The following EDEM3 variants were observed in gnomAD, a reference collection of about 807,000 sequenced individuals.
EDEM3 encodes the protein ER degradation enhancing alpha-mannosidase like protein 3.
Under a neutral mutation model 110.2 loss-of-function variants are expected in EDEM3, and 60 were observed. The ratio of observed to expected loss-of-function variants is 0.54; its 90% CI spans 0.44 to 0.67. The LOEUF (loss-of-function observed/expected upper bound fraction) is 0.67. EDEM3 is among the 30% of genes least tolerant of loss of function. EDEM3 has a pLI of 0.00. For missense variants in EDEM3, 996 were observed against 1,121.0 expected (o/e 0.89, Z 1.59); for synonymous variants, 352 against 382.9 (o/e 0.92, Z 0.94).
intron 15 of EDEM3, 64 bp downstream of exon 15, chr1:184,711,659 A>C: frequency 6.9e-7 from 1 of 1,440,596 alleles, no homozygotes. Context: ...CATGCTCCCT[A>C]AGTTCTCTGT....
chr1:184,736,054 C>G (rs570206265), intron 4 of EDEM3, among the ~76,000 whole-genome samples: 1 of 152,276 alleles, frequency 6.6e-6, no homozygotes, highest in South Asian at 2.1e-4. Flanking sequence ...CTGTGACTTT[C>G]AAACCCTGAC....
intron 15 of EDEM3, among the ~76,000 whole-genome samples, chr1:184,711,439 A>C (rs1459458779): frequency 1.3e-5 from 2 of 152,298 alleles, no homozygotes; most frequent in East Asian, 3.9e-4. Context: ...AAAATGAGTT[A>C]TAGAAGTTAA....
chr1:184,697,602 G>T (rs1649397286), intron 19 of EDEM3, among the ~76,000 whole-genome samples: 1 of 151,804 alleles, frequency 6.6e-6, no homozygotes, highest in East Asian at 1.9e-4. Flanking sequence ...TTAACTGAAG[G>T]AGAAATGAGT....
chr1:184,750,805 GC>G (rs1345785968), intron 1 of EDEM3, among the ~76,000 whole-genome samples: 1 of 152,064 alleles, frequency 6.6e-6, no homozygotes, highest in Non-Finnish European at 1.5e-5. Context: ...GAGTTACCAC[GC>G]CCGGCCTATT....
intron 4 of EDEM3, among the ~76,000 whole-genome samples, chr1:184,736,486 T>C (rs527330029): frequency 1.3e-5 from 2 of 152,286 alleles, no homozygotes; most frequent in Non-Finnish European, 2.9e-5. Context: ...TTAGAAATCA[T>C]GACATCTGTA....
chr1:184,740,062 C>T lies in EDEM3; in HGVS notation c.205-2351G>A, dbSNP rs1002625214. Among the ~76,000 whole-genome samples, 6 of 152,190 alleles carry T rather than the reference C, an allele frequency of 3.9e-5. No homozygotes were observed. The East Asian group carries it at 7.7e-4, about 20-fold the overall frequency. ...CTAGAACATTTCTACCTACTTGCCA[C>T]GGGTCTTAACAGAAAAGAATAAAAA... On this transcript the variant is annotated intron_variant, in intron 2 of 19. Coordinates refer to ENST00000318130, the MANE Select transcript of EDEM3 (RefSeq NM_025191.4).
intron 15 of EDEM3, among the ~76,000 whole-genome samples, chr1:184,711,213 C>T (rs528513872): frequency 6.6e-6 from 1 of 152,228 alleles, no homozygotes; most frequent in South Asian, 2.1e-4. Context: ...ATTCTACTGC[C>T]TCAGCTTCCC....
rs756478612 is a variant in EDEM3 at position 184,754,531 on chromosome 1, G to A, written c.116C>T (p.Ala39Val). ...CTCCCTACTCATGGGCTCGGCCCCC[G>A]CCGTCCACACGGAGGTGGCCGACAC... ...CLVSATSVWT[A>V]GAEPMSREEK... The change falls in exon 1 of 20, where the codon GCG becomes GTG. Residue 39 changes from alanine to valine, a missense_variant. Ala to Val is a moderately conservative substitution (Grantham distance 64, BLOSUM62 0). Transcript: ENST00000318130. 6 of 1,612,934 alleles carry A rather than the reference G, an allele frequency of 3.7e-6. No individual in the cohort carries two copies. Among genetic ancestry groups the A allele is most frequent in the South Asian group, 2.2e-5 (2 of 91,068 alleles).
chr1:184,706,519 G>T, intron 18 of EDEM3, 124 bp downstream of exon 18: 1 of 743,086 alleles, frequency 1.3e-6, no homozygotes, highest in Non-Finnish European at 2.1e-6. Flanking sequence ...ACCTATCCTT[G>T]TTGTCTAGGT....
At chr1:184,743,820 ATAAT>A (rs995329592) in intron 2 of EDEM3, among the ~76,000 whole-genome samples, 10 of 152,308 alleles carry the variant, frequency 6.6e-5, no homozygotes, top group African/African-American at 2.2e-4. Context: ...ATATTTCAAA[ATAAT>A]TCAGTAGGGA....
intron 19 of EDEM3, chr1:184,701,425 T>A (rs1649613115): frequency 2.2e-6 from 2 of 906,136 alleles, no homozygotes; most frequent in Admixed American, 8.8e-5. Flanking sequence ...TATATGTACT[T>A]GAGTGTGTGT....
intron 13 of EDEM3, among the ~76,000 whole-genome samples, chr1:184,713,834 C>T (rs893213924): frequency 1.3e-5 from 2 of 152,164 alleles, no homozygotes; most frequent in East Asian, 3.9e-4. Context: ...TAACAATACA[C>T]TCATGACATT....
At chr1:184,725,819 C>T (rs1486901124) in intron 7 of EDEM3, among the ~76,000 whole-genome samples, 1 of 151,940 alleles carries the variant, frequency 6.6e-6, no homozygotes, top group East Asian at 1.9e-4. Flanking sequence ...AACAAATTTA[C>T]AGATTACAGT....
intron 16 of EDEM3, among the ~76,000 whole-genome samples, chr1:184,709,260 A>T (rs1650096660): frequency 6.6e-6 from 1 of 152,216 alleles, no homozygotes; most frequent in South Asian, 2.1e-4. Flanking sequence ...TGCAAGATGT[A>T]TGAGAGGTAG....
chr1:184,734,314 C>T (rs1039987389), intron 5 of EDEM3, among the ~76,000 whole-genome samples: 2 of 151,988 alleles, frequency 1.3e-5, no homozygotes, highest in African/African-American at 2.4e-5. Flanking sequence ...ATTAAAAATA[C>T]AAAAATTAGC....
At chr1:184,752,589 T>C (rs1209857883) in intron 1 of EDEM3, among the ~76,000 whole-genome samples, 1 of 152,218 alleles carries the variant, frequency 6.6e-6, no homozygotes. Flanking sequence ...TGGTTGAACT[T>C]TTCCAGTTAA....
chr1:184,723,527 T>C (rs1404243550), intron 8 of EDEM3, among the ~76,000 whole-genome samples: 6 of 152,064 alleles, frequency 3.9e-5, no homozygotes, highest in African/African-American at 1.4e-4. Context: ...CCTATACCTA[T>C]AATGCTATAT....
chr1:184,722,762 C>T (rs1650973540), intron 8 of EDEM3, among the ~76,000 whole-genome samples: 1 of 151,458 alleles, frequency 6.6e-6, no homozygotes, highest in African/African-American at 2.4e-5. Flanking sequence ...ATTTATTTTA[C>T]ATATAAACAA....
intron 2 of EDEM3, among the ~76,000 whole-genome samples, chr1:184,740,979 G>A (rs535936318): frequency 6.6e-6 from 1 of 152,316 alleles, no homozygotes; most frequent in African/African-American, 2.4e-5. Context: ...TCCAAATTTA[G>A]AAAGGAGTAT....
Sources: allele counts gnomAD v4.1 joint callset (sites outside exome capture counted in the v4.1 genomes callset), GRCh38; gene constraint gnomAD v4.1.1; transcripts MANE v1.5; gene names NCBI Gene and HGNC (gene_info 2026-07-23, HGNC 2026-07-21).